Variants in AGAP1 observed in about 807,000 individuals in gnomAD.
AGAP1 encodes the protein arf-GAP with GTPase, ANK repeat and PH domain-containing protein 1.
AGAP1 carries 29 observed loss-of-function variants against 105.3 expected under a neutral mutation model. That is an observed-to-expected ratio of 0.28 (90% confidence interval 0.21 to 0.38). The LOEUF is 0.38. AGAP1 is among the 10% of genes least tolerant of loss of function. AGAP1 has a pLI of 1.00. For missense variants in AGAP1, 998 were observed against 1,165.1 expected (o/e 0.86, Z 2.09); for synonymous variants, 509 against 485.9 (o/e 1.05, Z -0.63).
chr2:236,051,803 G>A lies in AGAP1; in HGVS notation c.2114+2522G>A, dbSNP rs542669983. On this transcript the variant is annotated intron_variant, in intron 16 of 17. Transcript: ENST00000304032. This position sits in a 1 kb window ranked among gnomAD's most constrained non-coding sequence, Gnocchi z 5.9. The stretch of plus-strand genomic sequence containing the variant: ...GCCAGCAAGGTCTGTGTCCCTTCCC[G>A]CTGGAAGGCCAGGGTCCTGGTGGAG... Among the ~76,000 whole-genome samples, 5 of 152,264 alleles carry A rather than the reference G, an allele frequency of 3.3e-5. No homozygotes were observed. The highest frequency in any genetic ancestry group is 9.6e-5 in the African/African-American group (4 of 41,548).
chr2:235,756,694 A>G (rs934891733), intron 6 of AGAP1, among the ~76,000 whole-genome samples: 32 of 151,852 alleles, frequency 2.1e-4, no homozygotes, highest in African/African-American at 7.5e-4. Context: ...AGTGAGCATT[A>G]CTCCCCGAGC....
chr2:235,766,372 G>C (rs1264457665), intron 6 of AGAP1, among the ~76,000 whole-genome samples: 2 of 152,190 alleles, frequency 1.3e-5, no homozygotes, highest in Non-Finnish European at 2.9e-5. Flanking sequence ...AAGTGCTGTT[G>C]TAATTTAGTA....
At chr2:235,831,197 A>C (rs1477964222) in intron 9 of AGAP1, among the ~76,000 whole-genome samples, 1 of 150,820 alleles carries the variant, frequency 6.6e-6, no homozygotes, top group Non-Finnish European at 1.5e-5. Context: ...AAAAAAAAAA[A>C]AAAAACAGTA....
In AGAP1 at chr2:235,723,580, C is replaced by G. The variant is rs1003175524; in HGVS notation, c.310+5936C>G. 1.3e-5 allele frequency among the ~76,000 whole-genome samples: 2 copies of G among 152,178 alleles called. No homozygotes were observed. The highest frequency in any genetic ancestry group is 2.9e-5 in the Non-Finnish European group (2 of 68,032). On this transcript the variant is annotated intron_variant, in intron 3 of 17. Coordinates refer to ENST00000304032, the MANE Select transcript of AGAP1 (RefSeq NM_001037131.3). This position sits in a 1 kb window ranked among gnomAD's most constrained non-coding sequence, Gnocchi z 6.2. ...TGTGTCACCCATGGCATCACAGGCA[C>G]CCTGGGCCATGGGCCCTCCCGAGCT... is the stretch of plus-strand genomic sequence containing the variant.
In AGAP1 at chr2:235,908,506, A is replaced by C. The variant is rs2051414934; in HGVS notation, c.1156-232A>C. Among the ~76,000 whole-genome samples, 1 of 152,134 alleles carries C rather than the reference A, an allele frequency of 6.6e-6. No individual in the cohort carries two copies. Among genetic ancestry groups the C allele is most frequent in the African/African-American group, 2.4e-5 (1 of 41,434 alleles). ...GGAGGCACCTGCTGTGTCTCTCCTT[A>C]CATCTCTAGGTCCTGGATTAGTTCA... On this transcript the variant is annotated intron_variant, in intron 10 of 17. Transcript: ENST00000304032. This position sits in a 1 kb window ranked among gnomAD's most constrained non-coding sequence, Gnocchi z 4.4.
At chr2:235,708,860 G>A (rs536155669) in intron 1 of AGAP1, among the ~76,000 whole-genome samples, 6 of 152,178 alleles carry the variant, frequency 3.9e-5, no homozygotes, top group African/African-American at 9.7e-5. Context: ...CAGTCAGGAG[G>A]GTCTGAAGAT....
chr2:235,783,412 G>T, intron 6 of AGAP1: 2 of 470,736 alleles, frequency 4.2e-6, no homozygotes, highest in Non-Finnish European at 8.8e-6. Flanking sequence ...ATAATCAGGT[G>T]TTGCTTTCTT....
chr2:235,977,753 A>G lies in AGAP1; in HGVS notation c.1645+9130A>G, dbSNP rs749513805. On this transcript the variant is annotated intron_variant, in intron 13 of 17. Coordinates refer to ENST00000304032, the MANE Select transcript of AGAP1 (RefSeq NM_001037131.3). This position sits in a 1 kb window ranked among gnomAD's most constrained non-coding sequence, Gnocchi z 5.2. ...ATTCCTCTTTCTAAAGATGTAAAAC[A>G]AAAGGGGATATTGACTAATGCAAAA... Among the ~76,000 whole-genome samples, 1 of 152,198 alleles carries G rather than the reference A, an allele frequency of 6.6e-6. No homozygotes were observed. Among genetic ancestry groups the G allele is most frequent in the Non-Finnish European group, 1.5e-5 (1 of 68,030 alleles).
chr2:236,107,604 C>G (rs772720181), intron 16 of AGAP1, among the ~76,000 whole-genome samples: 1 of 152,210 alleles, frequency 6.6e-6, no homozygotes, highest in Non-Finnish European at 1.5e-5. Context: ...AGTCTCAACC[C>G]GAACCTCAGG....
intron 9 of AGAP1, among the ~76,000 whole-genome samples, chr2:235,839,732 C>T (rs1165197617): frequency 6.6e-6 from 1 of 152,156 alleles, no homozygotes; most frequent in Admixed American, 6.5e-5. Context: ...GAACATTAGG[C>T]AGAGGAAAGG....
chr2:235,798,399 C>T (rs536089099), intron 7 of AGAP1, among the ~76,000 whole-genome samples: 4 of 152,290 alleles, frequency 2.6e-5, no homozygotes, highest in Middle Eastern at 3.4e-3. Flanking sequence ...CAACAACCTC[C>T]TAAGGAAACA....
chr2:235,597,455 AC>A (rs1479194680), intron 1 of AGAP1, among the ~76,000 whole-genome samples: 1 of 152,176 alleles, frequency 6.6e-6, no homozygotes, highest in African/African-American at 2.4e-5. Context: ...TCTTTCCGTC[AC>A]TTCCTTTCCT....
chr2:235,498,326 A>T (rs1001621660), intron 1 of AGAP1, among the ~76,000 whole-genome samples: 12 of 151,210 alleles, frequency 7.9e-5, no homozygotes, highest in Non-Finnish European at 1.5e-5. Flanking sequence ...TCACCCCCAA[A>T]TCACTAGAGT....
rs578200650 is a variant in AGAP1 at position 235,897,088 on chromosome 2, A to G, written c.1156-11650A>G. Among the ~76,000 whole-genome samples the G allele has an allele frequency of 3.3e-4, 50 of 152,018 alleles. 1 individual carries two copies. The highest frequency in any genetic ancestry group is 5.9e-4 in the Non-Finnish European group (40 of 67,946). On this transcript the variant is annotated intron_variant, in intron 10 of 17. Coordinates refer to ENST00000304032, the MANE Select transcript of AGAP1 (RefSeq NM_001037131.3). ...TTTGTTTTTTGTTTTATTTGGTTTTATTTGTTTTTTTGGAGACAAAGTCTT... is the reference window on the plus strand; with the variant it reads ...TTTGTTTTTTGTTTTATTTGGTTTTGTTTGTTTTTTTGGAGACAAAGTCTT...
chr2:235,746,718 G>A (rs1005218587), intron 5 of AGAP1, among the ~76,000 whole-genome samples: 1 of 151,996 alleles, frequency 6.6e-6, no homozygotes, highest in South Asian at 2.1e-4. Context: ...AGGCCCGACC[G>A]TGGCATTTTT....
intron 9 of AGAP1, among the ~76,000 whole-genome samples, chr2:235,807,916 T>G (rs1957922724): frequency 6.6e-6 from 1 of 152,194 alleles, no homozygotes; most frequent in African/African-American, 2.4e-5. Flanking sequence ...ATGTGGGGCC[T>G]TAATTAAACT....
At chr2:235,593,194 G>A (rs913771847) in intron 1 of AGAP1, among the ~76,000 whole-genome samples, 7 of 152,146 alleles carry the variant, frequency 4.6e-5, no homozygotes, top group African/African-American at 1.4e-4. Flanking sequence ...GCATTCAGAC[G>A]GGCAGCTTTT....
chr2:235,544,932 T>A (rs1189180726), intron 1 of AGAP1, among the ~76,000 whole-genome samples: 1 of 152,206 alleles, frequency 6.6e-6, no homozygotes, highest in Non-Finnish European at 1.5e-5. Context: ...TTTGAATAGT[T>A]TTAAAATTTA....
intron 1 of AGAP1, among the ~76,000 whole-genome samples, chr2:235,545,669 C>T (rs1574818629): frequency 6.6e-6 from 1 of 152,164 alleles, no homozygotes; most frequent in Non-Finnish European, 1.5e-5. Context: ...GAAATCAACA[C>T]GTATTGCCCC....
Sources: gnomAD v4.1 joint callset for allele counts (sites outside exome capture counted in the v4.1 genomes callset) on GRCh38, gnomAD v4.1.1 for gene constraint, Gnocchi (gnomAD v3.1) non-coding constraint, MANE v1.5 for transcripts, NCBI Gene and HGNC (gene_info 2026-07-23, HGNC 2026-07-21) for gene names.